The following GUCY1A2 variants were observed in gnomAD, a reference collection of about 807,000 sequenced individuals.
The protein encoded by GUCY1A2 is guanylate cyclase soluble subunit alpha-2.
In GUCY1A2, 27 loss-of-function variants were observed where a neutral mutation model predicts 63.5. The ratio of observed to expected loss-of-function variants is 0.43; its 90% confidence interval spans 0.31 to 0.59. The LOEUF (loss-of-function observed/expected upper bound fraction) is 0.59, where lower values mean the gene tolerates loss of function less well. Among genes scored for constraint, GUCY1A2 ranks in the 20% least tolerant of loss-of-function variants. The probability of loss-of-function intolerance (pLI) is 0.11; values close to 1 mark genes in which losing one functional copy is unlikely to be tolerated. For missense variants in GUCY1A2, 768 were observed against 913.3 expected (o/e 0.84, Z 2.05); for synonymous variants, 364 against 343.5 (o/e 1.06, Z -0.66).
intron 2 of GUCY1A2, among the ~76,000 whole-genome samples, 199 bp downstream of exon 2, chr11:106,985,871 A>G (rs1861394244): frequency 6.6e-6 from 1 of 152,212 alleles, no homozygotes; most frequent in African/African-American, 2.4e-5. Context: ...ATTTCATTTA[A>G]AAGAATTAAG....
intron 6 of GUCY1A2, among the ~76,000 whole-genome samples, chr11:106,772,367 T>C (rs1864273241): frequency 2.6e-5 from 4 of 152,140 alleles, no homozygotes; most frequent in Admixed American, 2.6e-4. Context: ...TCAACTCTAC[T>C]ACAACACCCC....
chr11:106,894,715 TAAATAA>T (rs1248395022), intron 4 of GUCY1A2, among the ~76,000 whole-genome samples: 3 of 152,134 alleles, frequency 2.0e-5, no homozygotes, highest in East Asian at 1.9e-4. Context: ...TATTTTTGAC[TAAATAA>T]AAATAAGTAC....
intron 5 of GUCY1A2, among the ~76,000 whole-genome samples, chr11:106,789,968 A>G (rs1381401166): frequency 6.6e-6 from 1 of 151,978 alleles, no homozygotes; most frequent in East Asian, 1.9e-4. Flanking sequence ...CCAGTACAAC[A>G]CTGGGTCTTG....
chr11:106,935,336 C>T (rs1347953758), intron 4 of GUCY1A2, among the ~76,000 whole-genome samples: 1 of 152,166 alleles, frequency 6.6e-6, no homozygotes, highest in Non-Finnish European at 1.5e-5. Context: ...TTATGCAGTG[C>T]TTATCCCTGG....
intron 4 of GUCY1A2, among the ~76,000 whole-genome samples, chr11:106,812,776 C>T (rs996436710): frequency 2.0e-5 from 3 of 151,922 alleles, no homozygotes; most frequent in Non-Finnish European, 2.9e-5. Context: ...TCTGAAATCT[C>T]TACATAAACA....
At position 106,745,267 on chromosome 11, in the gene GUCY1A2, T is replaced by A. The variant is rs1863767534; in HGVS notation, c.1836+31172A>T. Among the ~76,000 whole-genome samples, 4 of 152,170 alleles carry A rather than the reference T, an allele frequency of 2.6e-5. 1 individual carries two copies. Among genetic ancestry groups the A allele is most frequent in the Admixed American group, 2.6e-4 (4 of 15,270 alleles). Reference sequence around the variant, plus strand: ...AAAAGGGTCTTACTAAACCCCACAGTGTTCTAGGGTAATGTGTAGTGACAT... The same window carrying A: ...AAAAGGGTCTTACTAAACCCCACAGAGTTCTAGGGTAATGTGTAGTGACAT... On this transcript the variant is annotated intron_variant, in intron 6 of 7. Transcript: ENST00000526355.
chr11:106,824,763 T>C (rs1858944858), intron 4 of GUCY1A2: 5 of 1,518,500 alleles, frequency 3.3e-6, no homozygotes, highest in Non-Finnish European at 4.4e-6. Flanking sequence ...AATAGCTGGA[T>C]TTTTACCAAG....
rs1224175120 is a variant in GUCY1A2 at position 106,674,419 on chromosome 11, T to G, written c.*13130A>C. The G allele has an allele frequency of 5.7e-6, 1 of 176,266 alleles. No homozygotes were observed. Among genetic ancestry groups the G allele is most frequent in the Non-Finnish European group, 1.2e-5 (1 of 81,856 alleles). 10.9% of individuals were successfully genotyped at this position (176,266 alleles called of 1,614,324 possible). A position where few individuals can be genotyped will look rare whatever the true frequency, so the allele number is the denominator to read the frequency against. On this transcript the variant is annotated 3_prime_UTR_variant, in exon 8 of 8. Transcript: ENST00000526355. ...TAAAATTCTAGTGAAATGAGGCATA[T>G]TTTATCATTTCAATCAGAAAAAGTT...
At chr11:106,700,032 C>G in intron 7 of GUCY1A2, among the ~76,000 whole-genome samples, 1 of 152,070 alleles carries the variant, frequency 6.6e-6, no homozygotes, top group South Asian at 2.1e-4. Context: ...ATCCGCCCGC[C>G]TCGGCCTCCC....
chr11:106,787,531 A>C (rs1864579182), intron 5 of GUCY1A2, among the ~76,000 whole-genome samples: 1 of 124,520 alleles, frequency 8.0e-6, no homozygotes, highest in Non-Finnish European at 1.7e-5. Context: ...AGAAAGGGAG[A>C]GAGAAAGAGA....
chr11:106,951,938 T>G (rs1327830373), intron 3 of GUCY1A2, among the ~76,000 whole-genome samples: 1 of 152,218 alleles, frequency 6.6e-6, no homozygotes, highest in Non-Finnish European at 1.5e-5. Flanking sequence ...GGGGTCTAGT[T>G]TTACTTTTCT....
chr11:106,923,263 A>G (rs758024497), intron 4 of GUCY1A2, among the ~76,000 whole-genome samples: 1 of 152,236 alleles, frequency 6.6e-6, no homozygotes, highest in Non-Finnish European at 1.5e-5. Flanking sequence ...TTAAAATGCT[A>G]TCACATGTAT....
At chr11:106,868,473 G>C (rs1310841355) in intron 4 of GUCY1A2, among the ~76,000 whole-genome samples, 1 of 152,082 alleles carries the variant, frequency 6.6e-6, no homozygotes, top group African/African-American at 2.4e-5. Context: ...CAGACAAACA[G>C]AGAGCCAAAT....
At chr11:106,803,351 G>A (rs969604320) in intron 5 of GUCY1A2, among the ~76,000 whole-genome samples, 6 of 151,988 alleles carry the variant, frequency 3.9e-5, no homozygotes, top group African/African-American at 1.2e-4. Flanking sequence ...AATGCATTTC[G>A]GAAAGCTATT....
chr11:106,823,677 T>C (rs1053755190), intron 4 of GUCY1A2, among the ~76,000 whole-genome samples: 3 of 152,122 alleles, frequency 2.0e-5, no homozygotes, highest in Non-Finnish European at 1.5e-5. Flanking sequence ...CTGAACTAAT[T>C]TACATTCCCA....
chr11:106,906,206 C>G (rs571788367), intron 4 of GUCY1A2, among the ~76,000 whole-genome samples: 1 of 152,152 alleles, frequency 6.6e-6, no homozygotes, highest in South Asian at 2.1e-4. Context: ...TGACAAAGGG[C>G]TAATATCCAC....
intron 6 of GUCY1A2, among the ~76,000 whole-genome samples, chr11:106,752,528 C>G (rs1163455018): frequency 1.3e-5 from 2 of 151,944 alleles, no homozygotes; most frequent in African/African-American, 4.8e-5. Flanking sequence ...GACCCCCCAG[C>G]AGGCCCTGGT....
intron 4 of GUCY1A2, among the ~76,000 whole-genome samples, chr11:106,907,998 C>A (rs1435862161): frequency 5.9e-5 from 9 of 151,994 alleles, no homozygotes; most frequent in East Asian, 3.9e-4. Context: ...AATCCAAATA[C>A]AATAATGAAA....
intron 4 of GUCY1A2, among the ~76,000 whole-genome samples, chr11:106,904,588 T>C (rs1427631311): frequency 6.6e-6 from 1 of 152,110 alleles, no homozygotes; most frequent in Non-Finnish European, 1.5e-5. Flanking sequence ...AAAGCTTTTT[T>C]TAATGTACAA....
Sources: allele counts gnomAD v4.1 joint callset (sites outside exome capture counted in the v4.1 genomes callset), GRCh38; gene constraint gnomAD v4.1.1; transcripts MANE v1.5; gene names NCBI Gene and HGNC (gene_info 2026-07-23, HGNC 2026-07-21).